The following CDH13 variants were observed in gnomAD, a reference collection of about 807,000 sequenced individuals.
CDH13 encodes cadherin-13.
In CDH13, 24 loss-of-function variants were observed where a neutral mutation model predicts 63.8. The ratio of observed to expected loss-of-function variants is 0.38; its 90% CI spans 0.27 to 0.53. The LOEUF is 0.53. CDH13 is among the 20% of genes least tolerant of loss of function. The probability of loss-of-function intolerance (pLI) is 0.85; values close to 1 mark genes in which losing one functional copy is unlikely to be tolerated. For synonymous variants in CDH13, 503 were observed against 355.3 expected (o/e 1.42, Z -4.67); for missense variants, 1,049 against 903.1 (o/e 1.16, Z -2.07).
chr16:83,130,499 A>C (rs535372004), intron 4 of CDH13, among the ~76,000 whole-genome samples: 15 of 152,350 alleles, frequency 9.8e-5, no homozygotes, highest in African/African-American at 3.6e-4. Context: ...AATGCACTCA[A>C]AAATAAGGTG....
chr16:82,876,336 T>C (rs6565075), intron 2 of CDH13, among the ~76,000 whole-genome samples: 115,098 of 152,156 alleles, frequency 0.76, 43,819 homozygotes, highest in East Asian at 0.89. Flanking sequence ...GAGTAGTGAA[T>C]AGTACATTTT....
intron 1 of CDH13, among the ~76,000 whole-genome samples, chr16:82,628,343 G>T (rs1013021379): frequency 1.3e-5 from 2 of 152,150 alleles, no homozygotes; most frequent in Admixed American, 6.5e-5. Context: ...GTTCCTGGCC[G>T]GGGTAGAGGC....
intron 4 of CDH13, among the ~76,000 whole-genome samples, chr16:83,199,435 C>T (rs1433216576): frequency 6.6e-6 from 1 of 152,168 alleles, no homozygotes; most frequent in Non-Finnish European, 1.5e-5. Context: ...GTTCCTCCCC[C>T]TGAACTAGCT....
intron 1 of CDH13, among the ~76,000 whole-genome samples, chr16:82,692,919 G>T (rs1198757191): frequency 6.6e-6 from 1 of 152,142 alleles, no homozygotes; most frequent in African/African-American, 2.4e-5. Context: ...CTGGCTTCTA[G>T]CCAATAGAGT....
intron 10 of CDH13, among the ~76,000 whole-genome samples, chr16:83,719,710 A>G (rs966415997): frequency 6.6e-6 from 1 of 152,156 alleles, no homozygotes; most frequent in African/African-American, 2.4e-5. Flanking sequence ...GCTGTGGCAT[A>G]CCATGTTCTG....
intron 4 of CDH13, among the ~76,000 whole-genome samples, chr16:83,182,825 T>C (rs144830786): frequency 6.6e-6 from 1 of 152,324 alleles, no homozygotes; most frequent in African/African-American, 2.4e-5. Context: ...TCCCACGTCA[T>C]GAGGAAAAAT....
At chr16:83,664,814 T>A (rs986696253) in intron 8 of CDH13, among the ~76,000 whole-genome samples, 2 of 152,156 alleles carry the variant, frequency 1.3e-5, no homozygotes, top group Non-Finnish European at 2.9e-5. Context: ...CTTGGATGTA[T>A]GACAGTGAAG....
rs116788031 is a variant in CDH13 at position 83,545,961 on chromosome 16, G to A, written c.961-56493G>A. Among the ~76,000 whole-genome samples, 1,212 of 152,266 alleles carry A rather than the reference G, an allele frequency of 8.0e-3. 15 individuals carry two copies. The highest frequency in any genetic ancestry group is 0.027 in the African/African-American group (1,129 of 41,564). ...TTGGGGTGTGGAGGTGAACAAGAAA[G>A]CATAGAGCCATTGTTCTAGCTGGGG... On this transcript the variant is annotated intron_variant, in intron 7 of 13. Transcript: ENST00000567109.
At chr16:83,737,332 A>C (rs1232488908) in intron 10 of CDH13, among the ~76,000 whole-genome samples, 1 of 152,226 alleles carries the variant, frequency 6.6e-6, no homozygotes, top group Admixed American at 6.5e-5. Flanking sequence ...CTTCGAAGTT[A>C]CTAAGAGCCT....
intron 3 of CDH13, among the ~76,000 whole-genome samples, chr16:83,069,530 G>A (rs1244585561): frequency 6.6e-6 from 1 of 152,184 alleles, no homozygotes; most frequent in Non-Finnish European, 1.5e-5. Flanking sequence ...GAGGCATGAA[G>A]AGGGTAAGTC....
intron 5 of CDH13, among the ~76,000 whole-genome samples, chr16:83,285,963 C>G (rs1298001404): frequency 6.6e-6 from 1 of 152,178 alleles, no homozygotes; most frequent in Non-Finnish European, 1.5e-5. Flanking sequence ...GGGTTCCTGC[C>G]CATGTCCTGC....
At chr16:83,486,679 C>G (rs754201159) in intron 7 of CDH13, 24 bp downstream of exon 7, 24 of 1,607,728 alleles carry the variant, frequency 1.5e-5, no homozygotes, top group Non-Finnish European at 2.0e-5. Flanking sequence ...AATACACTTT[C>G]TTTTTCACGA....
At chr16:83,663,093 A>G (rs1281830072) in intron 8 of CDH13, among the ~76,000 whole-genome samples, 1 of 152,206 alleles carries the variant, frequency 6.6e-6, no homozygotes, top group African/African-American at 2.4e-5. Context: ...AAATGCTGGG[A>G]AACCTATATT....
At chr16:82,845,234 C>T (rs758530207) in intron 1 of CDH13, among the ~76,000 whole-genome samples, 3 of 152,124 alleles carry the variant, frequency 2.0e-5, no homozygotes, top group African/African-American at 4.8e-5. Context: ...GACTCTCAGA[C>T]GTGTCTGTCT....
intron 2 of CDH13, among the ~76,000 whole-genome samples, chr16:83,021,126 A>G (rs1443794577): frequency 6.6e-6 from 1 of 152,102 alleles, no homozygotes; most frequent in Non-Finnish European, 1.5e-5. Flanking sequence ...TGAATCCATG[A>G]TTTTTCTTTC....
intron 6 of CDH13, among the ~76,000 whole-genome samples, chr16:83,360,423 T>A (rs530159076): frequency 2.0e-5 from 3 of 152,274 alleles, no homozygotes; most frequent in South Asian, 2.1e-4. Context: ...TTGGTTTGAT[T>A]GTTTCATGGT....
In CDH13 at chr16:83,796,382, C is replaced by T. The variant is rs1567602912; in HGVS notation, c.*1352C>T. The T allele has an allele frequency of 6.6e-6, 1 of 152,298 alleles. No individual in the cohort carries two copies. Among genetic ancestry groups the T allele is most frequent in the East Asian group, 1.9e-4 (1 of 5,190 alleles). 9.4% of individuals were successfully genotyped at this position (152,298 alleles called of 1,614,324 possible). On this transcript the variant is annotated 3_prime_UTR_variant, in exon 14 of 14. Coordinates refer to ENST00000567109, the MANE Select transcript of CDH13 (RefSeq NM_001257.5). ...TTACTAAAGGTTTTAACCGCACATG[C>T]ACACACACACGCTTTCTTATGCAAT...
At chr16:82,902,978 A>G (rs563359147) in intron 2 of CDH13, among the ~76,000 whole-genome samples, 29 of 152,318 alleles carry the variant, frequency 1.9e-4, no homozygotes, top group Middle Eastern at 3.4e-3. Context: ...CTTCATGGCT[A>G]GCAACTGTTG....
intron 1 of CDH13, among the ~76,000 whole-genome samples, chr16:82,841,842 A>G (rs1431261557): frequency 6.6e-6 from 1 of 152,046 alleles, no homozygotes; most frequent in Admixed American, 6.6e-5. Flanking sequence ...TGCTTAACCC[A>G]TGAAAGACAG....
Sources: gnomAD v4.1 joint callset for allele counts (sites outside exome capture counted in the v4.1 genomes callset) on GRCh38, gnomAD v4.1.1 for gene constraint, MANE v1.5 for transcripts, NCBI Gene and HGNC (gene_info 2026-07-23, HGNC 2026-07-21) for gene names.